RTN4IP1: variants seen among roughly 807,000 people sequenced by gnomAD.
RTN4IP1 encodes the protein NAD(P)H oxidoreductase RTN4IP1, mitochondrial.
RTN4IP1 carries 32 observed loss-of-function variants against 46.6 expected under a neutral mutation model. The ratio of observed to expected loss-of-function variants is 0.69; its 90% CI spans 0.52 to 0.92. The LOEUF is 0.92. RTN4IP1 is among the 40% of genes least tolerant of loss of function. The probability of loss-of-function intolerance (pLI) is 0.00; values close to 1 mark genes in which losing one functional copy is unlikely to be tolerated. For synonymous variants in RTN4IP1, 167 were observed against 161.8 expected (o/e 1.03, Z -0.24); for missense variants, 424 against 485.8 (o/e 0.87, Z 1.20).
At chr6:106,600,258 A>G (rs531166861) in intron 5 of RTN4IP1, among the ~76,000 whole-genome samples, 1 of 152,126 alleles carries the variant, frequency 6.6e-6, no homozygotes, top group South Asian at 2.1e-4. Flanking sequence ...TACTGGGGAA[A>G]AGAATCTCTC....
rs747665003 is a variant in RTN4IP1, at chr6:106,592,154, T to A, written c.806+10A>T. On this transcript the variant is annotated intron_variant, in intron 6 of 8. Transcript: ENST00000369063. Reference sequence around the variant, plus strand: ...CCCACTCCCAGTGTGAACATTGTTCTAATACATACGGTTTTAAGGATTTCA... The same window carrying A: ...CCCACTCCCAGTGTGAACATTGTTCAAATACATACGGTTTTAAGGATTTCA... 1 of 1,613,692 alleles carries A rather than the reference T, an allele frequency of 6.2e-7. No individual in the cohort carries two copies. Among genetic ancestry groups the A allele is most frequent in the South Asian group, 1.1e-5 (1 of 90,954 alleles).
At chr6:106,609,520 C>A (rs966151569) in intron 4 of RTN4IP1, among the ~76,000 whole-genome samples, 3 of 152,102 alleles carry the variant, frequency 2.0e-5, no homozygotes, top group Admixed American at 1.3e-4. Flanking sequence ...CAGAGTGAGA[C>A]CTTGTCTCTA....
At position 106,619,273 on chromosome 6, in the gene RTN4IP1, A is replaced by C; in HGVS notation, c.549T>G (p.Tyr183Ter). 1 of 1,614,230 alleles carries C rather than the reference A, an allele frequency of 6.2e-7. No individual in the cohort carries two copies. The highest frequency in any genetic ancestry group is 8.5e-7 in the Non-Finnish European group (1 of 1,180,020). The change falls in exon 4 of 9, where the codon TAT (tyrosine) becomes TAG (stop). Residue 183 changes from tyrosine (Y) to a stop codon, truncating the protein, a stop_gained. Transcript: ENST00000369063. LOFTEE classifies it high-confidence loss of function. ...LTHTQAASLP[Y>*]VALTAWSAIN... ...TAGCAGACCAGGCTGTGAGAGCCAC[A>C]TATGGCAAAGAGGCAGCTTGAGTAT... is the stretch of plus-strand genomic sequence containing the variant.
chr6:106,597,355 T>C (rs1254315979), intron 5 of RTN4IP1, among the ~76,000 whole-genome samples: 1 of 152,110 alleles, frequency 6.6e-6, no homozygotes, highest in Admixed American at 6.6e-5. Context: ...TTTTATCTTT[T>C]TCTGTTTTTT....
rs368352334 is a variant in RTN4IP1 at position 106,579,730 on chromosome 6, G to T, written c.1083+3598C>A. Among the ~76,000 whole-genome samples the T allele has an allele frequency of 9.9e-5, 15 of 151,886 alleles. No homozygotes were observed. The South Asian group carries it at 2.7e-3, about 28-fold the overall frequency. ...TCTCCATTTTTACTGGGGCATGCAG[G>T]GCTAACAAGCAGAATTTAGACTCTA... On this transcript the variant is annotated intron_variant, in intron 8 of 8. Transcript: ENST00000369063.
At chr6:106,583,505 A>G in intron 7 of RTN4IP1, 85 bp from the exon 8 acceptor site, 4 of 1,058,718 alleles carry the variant, frequency 3.8e-6, no homozygotes, top group Non-Finnish European at 5.7e-6. Flanking sequence ...CATTTTCTGG[A>G]TGACTACAAC....
In RTN4IP1 at chr6:106,624,503, C is replaced by T. The variant is rs1001490246; in HGVS notation, c.275-1534G>A. ...TAGTTGGGATTACAGGTGTGCGCCA[C>T]GTCTGGCTAATTTTGTAGAAACAGG... is the stretch of plus-strand genomic sequence containing the variant. On this transcript the variant is annotated intron_variant, in intron 1 of 8. Coordinates refer to ENST00000369063, the MANE Select transcript of RTN4IP1 (RefSeq NM_032730.5). 2.0e-5 allele frequency among the ~76,000 whole-genome samples: 3 copies of T among 151,658 alleles called. No homozygotes were observed. The East Asian group carries it at 5.9e-4, about 30-fold the overall frequency.
At chr6:106,579,061 C>A in intron 8 of RTN4IP1, among the ~76,000 whole-genome samples, 1 of 151,612 alleles carries the variant, frequency 6.6e-6, no homozygotes, top group East Asian at 1.9e-4. Context: ...ATGGTGAAAC[C>A]CTGTCTCTAC....
chr6:106,624,364 A>AT (rs979199071), intron 1 of RTN4IP1, among the ~76,000 whole-genome samples: 2 of 149,700 alleles, frequency 1.3e-5, no homozygotes, highest in Non-Finnish European at 3.0e-5. Flanking sequence ...TATTTTATTT[A>AT]TTTTTTTAAG....
At chr6:106,593,356 C>T (rs1323759632) in intron 5 of RTN4IP1, among the ~76,000 whole-genome samples, 4 of 152,184 alleles carry the variant, frequency 2.6e-5, no homozygotes, top group African/African-American at 4.8e-5. Flanking sequence ...ATCCAGAAAG[C>T]ATTCTGCTCC....
At chr6:106,605,590 G>A (rs1776044904) in intron 4 of RTN4IP1, among the ~76,000 whole-genome samples, 1 of 152,020 alleles carries the variant, frequency 6.6e-6, no homozygotes. Flanking sequence ...GAGGTGGGCA[G>A]ATCACGAGGT....
intron 8 of RTN4IP1, among the ~76,000 whole-genome samples, chr6:106,577,391 C>T (rs538678884): frequency 4.9e-5 from 6 of 123,354 alleles, no homozygotes; most frequent in East Asian, 5.2e-4. Context: ...AAGGCTGCAG[C>T]GAGGTGAGAT....
At chr6:106,584,137 C>CT (rs1217681596) in intron 7 of RTN4IP1, among the ~76,000 whole-genome samples, 1 of 152,178 alleles carries the variant, frequency 6.6e-6, no homozygotes, top group African/African-American at 2.4e-5. Flanking sequence ...AAGGGTCTTG[C>CT]TATGTTGCCC....
At chr6:106,617,726 A>C (rs1776389397) in intron 4 of RTN4IP1, among the ~76,000 whole-genome samples, 1 of 152,232 alleles carries the variant, frequency 6.6e-6, no homozygotes, top group South Asian at 2.1e-4. Flanking sequence ...TTATCTTCTA[A>C]ATTGTTTTTT....
chr6:106,581,522 C>T (rs1775370783), intron 8 of RTN4IP1, among the ~76,000 whole-genome samples: 1 of 152,188 alleles, frequency 6.6e-6, no homozygotes, highest in African/African-American at 2.4e-5. Context: ...CTCATCAAGG[C>T]ATCCAGTGCC....
intron 2 of RTN4IP1, among the ~76,000 whole-genome samples, chr6:106,622,237 G>C (rs1776502005): frequency 1.3e-5 from 2 of 152,146 alleles, no homozygotes. Context: ...CAACAGCATA[G>C]AATATACTTC....
At chr6:106,584,239 G>A (rs1775433061) in intron 7 of RTN4IP1, among the ~76,000 whole-genome samples, 1 of 152,220 alleles carries the variant, frequency 6.6e-6, no homozygotes, top group Non-Finnish European at 1.5e-5. Flanking sequence ...GTGCCTGGCT[G>A]TAATTGTTAT....
At chr6:106,626,258 G>A (rs1483908628) in intron 1 of RTN4IP1, among the ~76,000 whole-genome samples, 1 of 152,032 alleles carries the variant, frequency 6.6e-6, no homozygotes, top group East Asian at 1.9e-4. Context: ...TGTTTGAAAG[G>A]TGGGAAAGTC....
chr6:106,623,058 G>A, intron 1 of RTN4IP1, 89 bp from the exon 2 acceptor site: 2 of 1,270,740 alleles, frequency 1.6e-6, no homozygotes, highest in Non-Finnish European at 2.2e-6. Context: ...TACAATTTTA[G>A]GTCTTCAAGA....
Sources: gnomAD v4.1 joint callset for allele counts (sites outside exome capture counted in the v4.1 genomes callset) on GRCh38, gnomAD v4.1.1 for gene constraint, MANE v1.5 for transcripts, NCBI Gene and HGNC (gene_info 2026-07-23, HGNC 2026-07-21) for gene names.